SMYD1: variants seen among roughly 807,000 people sequenced by gnomAD.
SMYD1 encodes SET and MYND domain containing 1.
In SMYD1, 49 loss-of-function variants were observed where a neutral mutation model predicts 54.0. That is an observed-to-expected ratio of 0.91 (90% CI 0.72 to 1.15). SMYD1 has a LOEUF of 1.15. Ranked by LOEUF, SMYD1 falls within the 50% of genes most tolerant of loss-of-function variation. SMYD1 has a pLI of 0.00. For synonymous variants in SMYD1, 269 were observed against 234.2 expected (o/e 1.15, Z -1.36); for missense variants, 653 against 639.6 (o/e 1.02, Z -0.23).
At chr2:88,085,183 A>G (rs1265677911) in intron 2 of SMYD1, among the ~76,000 whole-genome samples, 1 of 152,210 alleles carries the variant, frequency 6.6e-6, no homozygotes, top group Admixed American at 6.5e-5. Context: ...AATAGGCTAG[A>G]GCTGAGTAGT....
rs1300234619 is a variant in SMYD1 at position 88,112,309 on chromosome 2, C to T, written c.*1797C>T. ...TCCCCATATTCGTAGTCTTTTTTTC[C>T]ATCCTATCTTTCTAATATTTGTTGT... On this transcript the variant is annotated 3_prime_UTR_variant, in exon 10 of 10. Transcript: ENST00000419482. The T allele has an allele frequency of 3.3e-6, 2 of 606,194 alleles. No individual in the cohort carries two copies. The highest frequency in any genetic ancestry group is 3.7e-5 in the African/African-American group (2 of 53,968). 37.6% of individuals were successfully genotyped at this position (606,194 alleles called of 1,614,324 possible). A position where few individuals can be genotyped will look rare whatever the true frequency, so the allele number is the denominator to read the frequency against.
In SMYD1 at chr2:88,101,344, A is replaced by T. The variant is rs540708645; in HGVS notation, c.889-1714A>T. Among the ~76,000 whole-genome samples the T allele has an allele frequency of 7.2e-5, 11 of 152,378 alleles. No individual in the cohort carries two copies. In the East Asian group the frequency reaches 2.1e-3, roughly 29 times the overall value. On this transcript the variant is annotated intron_variant, in intron 6 of 9. Transcript: ENST00000419482. Reference sequence around the variant, plus strand: ...TGGTTAAATAAGTTATCCTAGCTTCATATAGCGGAAAACTTTACATTTATT... The same window carrying T: ...TGGTTAAATAAGTTATCCTAGCTTCTTATAGCGGAAAACTTTACATTTATT...
At position 88,106,305 on chromosome 2, in the gene SMYD1, G is replaced by A; in HGVS notation, c.982-20G>A. 6.2e-7 allele frequency: 1 copy of A among 1,613,022 alleles called. No individual in the cohort carries two copies. Among genetic ancestry groups the A allele is most frequent in the Non-Finnish European group, 8.5e-7 (1 of 1,179,244 alleles). On this transcript the variant is annotated intron_variant, in intron 7 of 9. Transcript: ENST00000419482. ...TGCTCTGGTGCAATGGTAATGGGCA[G>A]GGCCTCTGTCTCACTCTAGGTTGTG...
intron 1 of SMYD1, among the ~76,000 whole-genome samples, chr2:88,078,916 C>G (rs1041277985): frequency 6.6e-6 from 1 of 152,246 alleles, no homozygotes; most frequent in Non-Finnish European, 1.5e-5. Context: ...TCCTGGGTTT[C>G]ACCAGCTTTT....
chr2:88,098,544 C>T (rs1674653155), intron 6 of SMYD1, among the ~76,000 whole-genome samples: 1 of 152,116 alleles, frequency 6.6e-6, no homozygotes, highest in South Asian at 2.1e-4. Context: ...TCAAAAATAA[C>T]TCACCTATAC....
chr2:88,074,570 G>A (rs1215945984), intron 1 of SMYD1, among the ~76,000 whole-genome samples: 1 of 152,130 alleles, frequency 6.6e-6, no homozygotes, highest in Non-Finnish European at 1.5e-5. Context: ...CTATTATTCA[G>A]TCTACCCCAA....
intron 7 of SMYD1, 49 bp from the exon 8 acceptor site, chr2:88,106,276 C>T (rs762456347): frequency 3.4e-5 from 55 of 1,599,590 alleles, no homozygotes; most frequent in Admixed American, 5.0e-5. Flanking sequence ...GTGAATTAAA[C>T]GTGTGCTCTG....
intron 1 of SMYD1, among the ~76,000 whole-genome samples, chr2:88,076,993 CAGAG>C (rs1240729195): frequency 7.2e-6 from 1 of 139,148 alleles, no homozygotes; most frequent in Non-Finnish European, 1.5e-5. Flanking sequence ...GCCTGGAGGA[CAGAG>C]AAAGACCCTG....
chr2:88,077,394 C>T (rs1366608346), intron 1 of SMYD1, among the ~76,000 whole-genome samples: 1 of 152,200 alleles, frequency 6.6e-6, no homozygotes, highest in African/African-American at 2.4e-5. Flanking sequence ...GAGCAGCGTC[C>T]GGCGTCAGGG....
intron 1 of SMYD1, among the ~76,000 whole-genome samples, chr2:88,076,477 C>T (rs942492973): frequency 1.3e-5 from 2 of 152,152 alleles, no homozygotes; most frequent in Non-Finnish European, 2.9e-5. Flanking sequence ...CCTGCCTCGG[C>T]CTCCCAAAGT....
chr2:88,108,786 A>G (rs1280380784), intron 9 of SMYD1, among the ~76,000 whole-genome samples: 1 of 152,200 alleles, frequency 6.6e-6, no homozygotes, highest in Admixed American at 6.5e-5. Flanking sequence ...TGCAGACTGT[A>G]TAGGAAGTGT....
chr2:88,113,162 G>T lies in SMYD1; in HGVS notation c.*2650G>T, dbSNP rs1399717211. The T allele has an allele frequency of 6.6e-6, 1 of 152,198 alleles. No homozygotes were observed. Among genetic ancestry groups the T allele is most frequent in the African/African-American group, 2.4e-5 (1 of 41,438 alleles). The allele number at this position is 152,198 out of a possible 1,614,324, so 9.4% of individuals were successfully genotyped here. On this transcript the variant is annotated 3_prime_UTR_variant, in exon 10 of 10. Coordinates refer to ENST00000419482, the MANE Select transcript of SMYD1 (RefSeq NM_198274.4). The stretch of plus-strand genomic sequence containing the variant: ...CCATCAGATTGTGAGCTCCTGGAGG[G>T]CAGGAGCTGTGTCCTTCTATTCATC...
At chr2:88,068,279 G>C (rs979222408) in intron 1 of SMYD1, among the ~76,000 whole-genome samples, 3 of 152,194 alleles carry the variant, frequency 2.0e-5, no homozygotes, top group African/African-American at 7.2e-5. Flanking sequence ...GAGAGGGTGT[G>C]CTGGGAGTGG....
chr2:88,087,251 C>T (rs1001398611), intron 2 of SMYD1, among the ~76,000 whole-genome samples: 7 of 152,080 alleles, frequency 4.6e-5, no homozygotes, highest in African/African-American at 1.7e-4. Flanking sequence ...CAGGCTCACA[C>T]AGTAAGAAGT....
chr2:88,112,399 C>T lies in SMYD1; in HGVS notation c.*1887C>T, dbSNP rs988637482. On this transcript the variant is annotated 3_prime_UTR_variant, in exon 10 of 10. Transcript: ENST00000419482. ...CTCTCAGACCACTGGAATGCAAGTCCTTCTTCCCTTTGGAATGTACTCTGG... is the reference window on the plus strand; with the variant it reads ...CTCTCAGACCACTGGAATGCAAGTCTTTCTTCCCTTTGGAATGTACTCTGG... 4.0e-6 allele frequency: 2 copies of T among 505,670 alleles called. No individual in the cohort carries two copies. The highest frequency in any genetic ancestry group is 7.1e-6 in the Non-Finnish European group (2 of 281,226). The allele number at this position is 505,670 out of a possible 1,614,324, so 31.3% of individuals were successfully genotyped here. A position where few individuals can be genotyped will look rare whatever the true frequency, so the allele number is the denominator to read the frequency against.
chr2:88,112,673 G>C lies in SMYD1; in HGVS notation c.*2161G>C, dbSNP rs897111982. The C allele has an allele frequency of 1.3e-5, 2 of 154,944 alleles. No homozygotes were observed. Among genetic ancestry groups the C allele is most frequent in the African/African-American group, 4.8e-5 (2 of 41,414 alleles). 9.6% of individuals were successfully genotyped at this position (154,944 alleles called of 1,614,324 possible). ...TCCACTCCCACTCCTTCACTAAAAG[G>C]GCTCTTACCAAGATCAAATCTAATG... On this transcript the variant is annotated 3_prime_UTR_variant, in exon 10 of 10. Coordinates refer to ENST00000419482, the MANE Select transcript of SMYD1 (RefSeq NM_198274.4).
intron 7 of SMYD1, among the ~76,000 whole-genome samples, chr2:88,105,069 T>C (rs1674830280): frequency 6.6e-6 from 1 of 152,208 alleles, no homozygotes; most frequent in Non-Finnish European, 1.5e-5. Flanking sequence ...CCAGGGTTTC[T>C]CTCCCAGATA....
intron 6 of SMYD1, among the ~76,000 whole-genome samples, chr2:88,097,682 T>A (rs1674626023): frequency 6.6e-6 from 1 of 152,166 alleles, no homozygotes; most frequent in Non-Finnish European, 1.5e-5. Context: ...GCAATGACCC[T>A]ATTGCCAAGT....
Position 88,067,989 on chromosome 2 carries a change from T to A in SMYD1, c.125T>A (p.Val42Glu), listed in dbSNP as rs1313995661. The change falls in exon 1 of 10, where the codon GTG becomes GAG. Residue 42 changes from valine to glutamate, a missense_variant. By Grantham distance (121) the Val-to-Glu change is moderately radical (BLOSUM62 -2). Coordinates refer to ENST00000419482, the MANE Select transcript of SMYD1 (RefSeq NM_198274.4). ...TTTGCTGAGCGGGCTTATTCCGCAG[T>A]GGTTTTTGACAGGTATGAAATGTGG... ...IIFAERAYSA[V>E]VFDSLVNFVC... is the part of the protein sequence containing the mutation. The A allele has an allele frequency of 1.2e-6, 2 of 1,613,416 alleles. No individual in the cohort carries two copies. The highest frequency in any genetic ancestry group is 1.3e-5 in the African/African-American group (1 of 74,916).
Sources: allele counts gnomAD v4.1 joint callset (sites outside exome capture counted in the v4.1 genomes callset), GRCh38; gene constraint gnomAD v4.1.1; transcripts MANE v1.5; gene names NCBI Gene and HGNC (gene_info 2026-07-23, HGNC 2026-07-21).